SETD3: variants seen among roughly 807,000 people sequenced by gnomAD.
The protein encoded by SETD3 is SET domain containing 3, actin N3(tau)-histidine methyltransferase.
In SETD3, 19 loss-of-function variants were observed where a neutral mutation model predicts 63.0. The observed-to-expected ratio is 0.30, with a 90% CI of 0.21 to 0.44. SETD3 has a LOEUF of 0.44. Ranked by LOEUF, SETD3 falls within the 20% of genes least tolerant of loss-of-function variation. The probability of loss-of-function intolerance (pLI) is 1.00; values close to 1 mark genes in which losing one functional copy is unlikely to be tolerated. For synonymous variants in SETD3, 286 were observed against 264.1 expected (o/e 1.08, Z -0.80); for missense variants, 587 against 728.5 (o/e 0.81, Z 2.24).
At chr14:99,399,860 C>G (rs1394492064) in intron 12 of SETD3, among the ~76,000 whole-genome samples, 1 of 150,180 alleles carries the variant, frequency 6.7e-6, no homozygotes, top group African/African-American at 2.5e-5. Context: ...AAGCGATTCT[C>G]CTGCCTCAGC....
chr14:99,416,396 G>A (rs1892292940), intron 6 of SETD3, among the ~76,000 whole-genome samples: 1 of 152,212 alleles, frequency 6.6e-6, no homozygotes, highest in Admixed American at 6.5e-5. Context: ...ACTTAATGAA[G>A]CAAAGTGGTG....
At chr14:99,465,456 T>C (rs978110817) in intron 2 of SETD3, among the ~76,000 whole-genome samples, 1 of 152,246 alleles carries the variant, frequency 6.6e-6, no homozygotes, top group Non-Finnish European at 1.5e-5. Context: ...TCCAGGTGAC[T>C]GTGCCATGGA....
chr14:99,440,407 C>T (rs897740377), intron 6 of SETD3, among the ~76,000 whole-genome samples: 9 of 152,170 alleles, frequency 5.9e-5, no homozygotes, highest in African/African-American at 1.9e-4. Flanking sequence ...TGTCGATAAT[C>T]GCATTTCACT....
At chr14:99,424,987 G>C (rs141789120) in intron 6 of SETD3, among the ~76,000 whole-genome samples, 4 of 152,202 alleles carry the variant, frequency 2.6e-5, no homozygotes, top group African/African-American at 7.2e-5. Context: ...AGCTGAGAAA[G>C]GGGATGGTGG....
chr14:99,482,075 T>G (rs567680852), upstream of SETD3, among the ~76,000 whole-genome samples: 6 of 152,348 alleles, frequency 3.9e-5, no homozygotes, highest in African/African-American at 1.4e-4. Flanking sequence ...TTTAGAAAAT[T>G]GGAGCGTAAG....
At position 99,404,396 on chromosome 14, in the gene SETD3, G is replaced by A. The variant is rs1046881996; in HGVS notation, c.1092-86C>T. ...GAGATTCCTTAAGTCTACAGCACGTGTGGTTGTCCTCAAGGAGAGCTGAGC... is the reference window on the plus strand; with the variant it reads ...GAGATTCCTTAAGTCTACAGCACGTATGGTTGTCCTCAAGGAGAGCTGAGC... On this transcript the variant is annotated intron_variant, in intron 10 of 12. Coordinates refer to ENST00000331768, the MANE Select transcript of SETD3 (RefSeq NM_032233.3). 2.5e-6 allele frequency: 3 copies of A among 1,192,880 alleles called. No individual in the cohort carries two copies. The African/African-American group carries it at 4.5e-5, about 18-fold the overall frequency. The allele number at this position is 1,192,880 out of a possible 1,614,324, so 73.9% of individuals were successfully genotyped here. A position where few individuals can be genotyped will look rare whatever the true frequency, so the allele number is the denominator to read the frequency against.
At chr14:99,413,538 C>T (rs536567745) in intron 7 of SETD3, among the ~76,000 whole-genome samples, 2 of 152,118 alleles carry the variant, frequency 1.3e-5, no homozygotes, top group South Asian at 4.2e-4. Flanking sequence ...TAAATCTCTC[C>T]GTTCAAAAAA....
intron 6 of SETD3, among the ~76,000 whole-genome samples, chr14:99,423,076 G>C (rs531688570): frequency 6.6e-6 from 1 of 152,258 alleles, no homozygotes; most frequent in Admixed American, 6.5e-5. Flanking sequence ...CAATCAAAGA[G>C]AAAATCCGCA....
At chr14:99,480,012 C>G (rs970355122) in intron 1 of SETD3, among the ~76,000 whole-genome samples, 1 of 152,074 alleles carries the variant, frequency 6.6e-6, no homozygotes, top group Non-Finnish European at 1.5e-5. Flanking sequence ...GAAGAGTTAA[C>G]GCCGGAATGA....
At position 99,413,908 on chromosome 14, in the gene SETD3, G is replaced by A. The variant is rs1296954791; in HGVS notation, c.702C>T (p.Pro234=). ...IQTHPHANKL[P]LKDSFTYEDY... is the part of the protein sequence containing the mutation. ...CCTCGTAAGTGAAAGAATCCTTCAA[G>A]GGTAGTTTGTTGGCATGAGGATGGG... The change falls in exon 7 of 13, where the codon CCC becomes CCT. Residue 234 remains proline, a synonymous_variant. Coordinates refer to ENST00000331768, the MANE Select transcript of SETD3 (RefSeq NM_032233.3). 1 of 1,614,158 alleles carries A rather than the reference G, an allele frequency of 6.2e-7. No individual in the cohort carries two copies. Among genetic ancestry groups the A allele is most frequent in the Non-Finnish European group, 8.5e-7 (1 of 1,179,990 alleles).
upstream of SETD3, among the ~76,000 whole-genome samples, chr14:99,481,956 T>A (rs1048992882): frequency 7.2e-5 from 11 of 152,188 alleles, no homozygotes; most frequent in Non-Finnish European, 1.2e-4. Context: ...AGGGTGCGGC[T>A]AAGATGAGGA....
intron 11 of SETD3, among the ~76,000 whole-genome samples, chr14:99,401,661 A>G (rs567055842): frequency 6.6e-6 from 1 of 152,354 alleles, no homozygotes; most frequent in South Asian, 2.1e-4. Flanking sequence ...AGATCATGAT[A>G]AAATTCAGGA....
intron 1 of SETD3, among the ~76,000 whole-genome samples, chr14:99,473,267 A>G (rs573918942): frequency 6.6e-6 from 1 of 152,354 alleles, no homozygotes; most frequent in East Asian, 1.9e-4. Context: ...AAGAAAGCAC[A>G]TTTAGTGACC....
chr14:99,422,079 AC>A (rs1362145229), intron 6 of SETD3, among the ~76,000 whole-genome samples: 5 of 152,224 alleles, frequency 3.3e-5, no homozygotes, highest in African/African-American at 1.2e-4. Flanking sequence ...CAGAAAGAAT[AC>A]CATGTTTAGC....
At chr14:99,411,363 C>T (rs988507417) in intron 8 of SETD3, 1 of 151,896 alleles carries the variant, frequency 6.6e-6, no homozygotes, top group Non-Finnish European at 1.5e-5. Context: ...ATCCCATTTA[C>T]ATGGAAGCTA....
intron 6 of SETD3, among the ~76,000 whole-genome samples, chr14:99,420,675 C>T (rs1892537205): frequency 6.6e-6 from 1 of 152,074 alleles, no homozygotes; most frequent in Non-Finnish European, 1.5e-5. Flanking sequence ...CATCTAGGGG[C>T]CAGAGAATCT....
chr14:99,480,247 G>GAGGA (rs1417254806), intron 1 of SETD3, among the ~76,000 whole-genome samples: 1 of 152,068 alleles, frequency 6.6e-6, no homozygotes. Context: ...GGGGTGACGG[G>GAGGA]AGGAAGGAAG....
At chr14:99,480,490 A>C (rs1770394831) in intron 1 of SETD3, among the ~76,000 whole-genome samples, 1 of 150,960 alleles carries the variant, frequency 6.6e-6, no homozygotes, top group Non-Finnish European at 1.5e-5. Context: ...GCGCCCGGGC[A>C]GAGGCCGACC....
At chr14:99,420,133 A>G (rs1595171791) in intron 6 of SETD3, among the ~76,000 whole-genome samples, 3 of 152,120 alleles carry the variant, frequency 2.0e-5, no homozygotes, top group Non-Finnish European at 4.4e-5. Context: ...TCCAATCTCC[A>G]GGTCCCTGTT....
Sources: allele counts gnomAD v4.1 joint callset (sites outside exome capture counted in the v4.1 genomes callset), GRCh38; gene constraint gnomAD v4.1.1; transcripts MANE v1.5; gene names NCBI Gene and HGNC (gene_info 2026-07-23, HGNC 2026-07-21).